The following VCL variants were observed in gnomAD, a reference collection of about 807,000 sequenced individuals.
VCL encodes the protein epididymis luminal protein 114.
Under a neutral mutation model 125.7 loss-of-function variants are expected in VCL, and 47 were observed. That is an observed-to-expected ratio of 0.37 (90% CI 0.30 to 0.48). The LOEUF (loss-of-function observed/expected upper bound fraction) is 0.48. Among genes scored for constraint, VCL ranks in the 20% least tolerant of loss-of-function variants. The pLI is 0.99. For missense variants in VCL, 1,069 were observed against 1,455.5 expected, an observed-to-expected ratio of 0.73 and a Z score of 4.32; for synonymous variants, 458 against 514.6, an observed-to-expected ratio of 0.89 and a Z score of 1.49.
chr10:74,040,462 C>G (rs138826288), intron 1 of VCL, among the ~76,000 whole-genome samples: 91 of 152,318 alleles, frequency 6.0e-4, no homozygotes, highest in African/African-American at 2.0e-3. Context: ...AGGAATCTCT[C>G]TGTGTCTTAA....
At chr10:74,020,818 G>A (rs144768218) in intron 1 of VCL, among the ~76,000 whole-genome samples, 10 of 119,426 alleles carry the variant, frequency 8.4e-5, no homozygotes, top group African/African-American at 2.8e-4. Flanking sequence ...TCTGGCCTGG[G>A]CAACAGAGCA....
At chr10:74,055,645 G>C (rs190313194) in intron 2 of VCL, among the ~76,000 whole-genome samples, 74 of 152,158 alleles carry the variant, frequency 4.9e-4, no homozygotes, top group African/African-American at 1.5e-3. Flanking sequence ...ACCACGCCTG[G>C]CCAATTTAGT....
At chr10:74,093,310 CA>C (rs1564529278) in intron 10 of VCL, among the ~76,000 whole-genome samples, 2 of 151,584 alleles carry the variant, frequency 1.3e-5, no homozygotes, top group African/African-American at 4.8e-5. Flanking sequence ...ACAAAACAAA[CA>C]AAAAAAAGTG....
intron 1 of VCL, among the ~76,000 whole-genome samples, chr10:74,008,348 G>A (rs1320010778): frequency 6.6e-6 from 1 of 152,192 alleles, no homozygotes; most frequent in African/African-American, 2.4e-5. Flanking sequence ...GCTATTTTGG[G>A]TTGTGGTTTT....
chr10:74,038,519 G>A (rs1841030397), intron 1 of VCL, among the ~76,000 whole-genome samples: 1 of 152,120 alleles, frequency 6.6e-6, no homozygotes, highest in African/African-American at 2.4e-5. Flanking sequence ...TCTAATTCTA[G>A]CCAGAGTGTA....
chr10:74,095,699 G>A lies in VCL; in HGVS notation c.1587G>A (p.Leu529=), dbSNP rs1591706371. Residue 529 remains leucine (L), a synonymous_variant, in exon 12 of 22, where the codon CTG becomes CTA. Transcript: ENST00000211998. ...IRGLVAEGHR[L]ANVMMGPYRQ... is the part of the protein sequence containing the mutation. ...GGCTTGTGGCCGAAGGGCATCGTCT[G>A]GCTAATGTTATGATGGGGCCTTATC... is the stretch of plus-strand genomic sequence containing the variant. The A allele has an allele frequency of 1.1e-5, 17 of 1,614,184 alleles. No homozygotes were observed. The East Asian group carries it at 3.8e-4, about 36-fold the overall frequency.
At chr10:74,008,352 T>G (rs1408791657) in intron 1 of VCL, among the ~76,000 whole-genome samples, 1 of 152,234 alleles carries the variant, frequency 6.6e-6, no homozygotes, top group Non-Finnish European at 1.5e-5. Flanking sequence ...TTTTGGGTTG[T>G]GGTTTTTCTG....
At position 74,118,241 on chromosome 10, in the gene VCL, T is replaced by C. The variant is rs935085481; in HGVS notation, c.*72T>C. 9 of 1,596,046 alleles carry C rather than the reference T, an allele frequency of 5.6e-6. No individual in the cohort carries two copies. In the African/African-American group the frequency reaches 1.1e-4, roughly 19 times the overall value. On this transcript the variant is annotated 3_prime_UTR_variant, in exon 22 of 22. Coordinates refer to ENST00000211998, the MANE Select transcript of VCL (RefSeq NM_014000.3). ...GGAAAATGATCTGAGTCCCAGGAGC[T>C]GCCCAGAGTTGCTGGGAGCTGAAAA... is the stretch of plus-strand genomic sequence containing the variant.
chr10:74,054,570 T>C (rs939098905), intron 2 of VCL, among the ~76,000 whole-genome samples: 3 of 152,254 alleles, frequency 2.0e-5, no homozygotes, highest in African/African-American at 7.2e-5. Context: ...TATTACATTC[T>C]ACTGTAGAAC....
rs1461156605 is a variant in VCL at position 74,037,134 on chromosome 10, TCTCCTGACCTTGTGATCTACCCAC to T, written c.169-5924_169-5901del. On this transcript the variant is annotated intron_variant, in intron 1 of 21. Coordinates refer to ENST00000211998, the MANE Select transcript of VCL (RefSeq NM_014000.3). Reference sequence around the variant, plus strand: ...ACCGTGTTAGCCACGATGGTCTCCATCTCCTGACCTTGTGATCTACCCACCTCCTGACCTTGTGATCTACCCACT... The same window carrying T: ...ACCGTGTTAGCCACGATGGTCTCCATCTCCTGACCTTGTGATCTACCCACT... Among the ~76,000 whole-genome samples the T allele has an allele frequency of 1.9e-3, 284 of 152,254 alleles. 1 individual carries two copies. The highest frequency in any genetic ancestry group is 0.01 in the Middle Eastern group (3 of 292).
At chr10:74,004,523 A>G (rs955695765) in intron 1 of VCL, among the ~76,000 whole-genome samples, 23 of 152,182 alleles carry the variant, frequency 1.5e-4, no homozygotes, top group African/African-American at 5.1e-4. Context: ...GAGGTTTCCC[A>G]CCTAGAATCA....
Position 74,035,530 on chromosome 10 carries a change from T to A in VCL, c.169-7553T>A, listed in dbSNP as rs117243294. On this transcript the variant is annotated intron_variant, in intron 1 of 21. Coordinates refer to ENST00000211998, the MANE Select transcript of VCL (RefSeq NM_014000.3). ...CACTACCATTATTTCAGTTTATATC[T>A]AAAGATGTTTTATTTCTTATCTCAT... Among the ~76,000 whole-genome samples the A allele has an allele frequency of 1.1e-4, 16 of 152,318 alleles. No homozygotes were observed. The East Asian group carries it at 3.1e-3, about 29-fold the overall frequency.
intron 1 of VCL, among the ~76,000 whole-genome samples, chr10:74,021,949 C>T (rs923815461): frequency 1.3e-5 from 2 of 152,112 alleles, no homozygotes; most frequent in East Asian, 3.9e-4. Context: ...ATCTCTCCTT[C>T]CTTTCCATTA....
chr10:74,089,657 A>G (rs1281638060), intron 9 of VCL, among the ~76,000 whole-genome samples: 1 of 152,096 alleles, frequency 6.6e-6, no homozygotes, highest in Non-Finnish European at 1.5e-5. Context: ...AGAATTCACA[A>G]CTCTTGGGTC....
At chr10:74,029,602 A>G (rs1840837081) in intron 1 of VCL, among the ~76,000 whole-genome samples, 1 of 152,188 alleles carries the variant, frequency 6.6e-6, no homozygotes, top group African/African-American at 2.4e-5. Context: ...CATTGGTTCT[A>G]AGGAAACTAT....
At position 74,097,323 on chromosome 10, in the gene VCL, C is replaced by G. The variant is rs746293391; in HGVS notation, c.1863C>G (p.Asn621Lys). The G allele has an allele frequency of 1.5e-5, 25 of 1,613,456 alleles. No homozygotes were observed. Among genetic ancestry groups the G allele is most frequent in the Non-Finnish European group, 2.1e-5 (25 of 1,179,826 alleles). ...VAATAPPDAP[N>K]REEVFDERAA... ...CCACGGCGCCTCCTGATGCGCCTAA[C>G]AGGGAAGAGGTGGGTATCTGAGGTC... The change falls in exon 13 of 22, where the codon AAC (asparagine) becomes AAG (lysine). Residue 621 changes from asparagine (N) to lysine (K), a missense_variant. Asn to Lys is a moderately conservative substitution (Grantham distance 94, BLOSUM62 0). Coordinates refer to ENST00000211998, the MANE Select transcript of VCL (RefSeq NM_014000.3). This position sits in a 1 kb window ranked among gnomAD's most constrained non-coding sequence, Gnocchi z 4.1.
chr10:74,112,131 A>G lies in VCL; in HGVS notation c.2949+19A>G. ...TAGTAAGGTACTGATAAGCACCCCCAGTTGGGGGCTGCTCCATATGCATCC... is the reference window on the plus strand; with the variant it reads ...TAGTAAGGTACTGATAAGCACCCCCGGTTGGGGGCTGCTCCATATGCATCC... On this transcript the variant is annotated intron_variant, in intron 19 of 21. Transcript: ENST00000211998. 6.2e-7 allele frequency: 1 copy of G among 1,614,050 alleles called. No homozygotes were observed.
Position 74,059,981 on chromosome 10 carries a change from A to C in VCL, c.240-10689A>C, listed in dbSNP as rs373954109. Among the ~76,000 whole-genome samples the C allele has an allele frequency of 2.6e-5, 4 of 152,038 alleles. No homozygotes were observed. In the East Asian group the frequency reaches 7.7e-4, roughly 29 times the overall value. Reference sequence around the variant, plus strand: ...AGTTCAAGACCAGTCTGGACAACATAGGGAGACCTTGTCTGTACAAAACAT... The same window carrying C: ...AGTTCAAGACCAGTCTGGACAACATCGGGAGACCTTGTCTGTACAAAACAT... On this transcript the variant is annotated intron_variant, in intron 2 of 21. Coordinates refer to ENST00000211998, the MANE Select transcript of VCL (RefSeq NM_014000.3).
intron 19 of VCL, among the ~76,000 whole-genome samples, chr10:74,112,346 C>G (rs1840238966): frequency 6.6e-6 from 1 of 152,132 alleles, no homozygotes; most frequent in Admixed American, 6.5e-5. Context: ...GGGGGGGTCA[C>G]TTTTGGAAAG....
Sources: allele counts gnomAD v4.1 joint callset (sites outside exome capture counted in the v4.1 genomes callset), GRCh38; gene constraint gnomAD v4.1.1; non-coding constraint Gnocchi (gnomAD v3.1); transcripts MANE v1.5; gene names NCBI Gene and HGNC (gene_info 2026-07-23, HGNC 2026-07-21).